The following CASK variants were observed in gnomAD, a reference collection of about 807,000 sequenced individuals.
CASK encodes the protein peripheral plasma membrane protein CASK.
CASK carries 4 observed loss-of-function variants against 82.9 expected under a neutral mutation model. The ratio of observed to expected loss-of-function variants is 0.05; its 90% CI spans 0.02 to 0.11. The LOEUF (loss-of-function observed/expected upper bound fraction) is 0.11, where lower values mean the gene tolerates loss of function less well. CASK is among the 10% of genes least tolerant of loss of function. The pLI is 1.00. For synonymous variants in CASK, 259 were observed against 253.5 expected (o/e 1.02, Z -0.20); for missense variants, 358 against 720.9 (o/e 0.50, Z 5.76).
At chrX:41,839,295 C>A (rs183437569) in intron 2 of CASK, among the ~76,000 whole-genome samples, 120 of 111,300 alleles carry the variant, frequency 1.1e-3, no homozygotes, top group Non-Finnish European at 1.9e-3. Flanking sequence ...TACATCTCTT[C>A]ATTTATTTAG....
At chrX:41,920,860 A>T (rs2148111762) in intron 1 of CASK, among the ~76,000 whole-genome samples, 1 of 112,193 alleles carries the variant, frequency 8.9e-6, no homozygotes, top group South Asian at 3.7e-4. Context: ...TTTTAATCTC[A>T]CATTTTCCAA....
At chrX:41,771,468 T>A (rs2069243123) in intron 3 of CASK, among the ~76,000 whole-genome samples, 1 of 111,622 alleles carries the variant, frequency 9.0e-6, no homozygotes, top group Admixed American at 9.6e-5. Flanking sequence ...AAATAGGAGA[T>A]GATATAAATA....
intron 5 of CASK, among the ~76,000 whole-genome samples, chrX:41,691,956 G>A (rs1057133489): frequency 9.6e-6 from 1 of 104,310 alleles, no homozygotes; most frequent in Non-Finnish European, 1.9e-5. Flanking sequence ...ATGCTATGTT[G>A]CCTTGGCTGG....
chrX:41,593,934 T>C (rs1157366862), intron 12 of CASK, among the ~76,000 whole-genome samples: 1 of 112,257 alleles, frequency 8.9e-6, no homozygotes, highest in Non-Finnish European at 1.9e-5. Context: ...AAATTTCAAA[T>C]CTAGGTAGAG....
At chrX:41,724,176 T>C (rs2068214398) in intron 5 of CASK, 1 of 112,680 alleles carries the variant, frequency 8.9e-6, no homozygotes, top group Admixed American at 9.4e-5. Context: ...TGCAAGAATC[T>C]ATTCACACTG....
At chrX:41,860,589 C>A (rs2071459454) in intron 1 of CASK, among the ~76,000 whole-genome samples, 1 of 111,552 alleles carries the variant, frequency 9.0e-6, no homozygotes. Flanking sequence ...TAAAGGTTTA[C>A]AAAATCAGCT....
At chrX:41,549,438 C>CT (rs2065065862) in intron 21 of CASK, among the ~76,000 whole-genome samples, 1 of 112,241 alleles carries the variant, frequency 8.9e-6, no homozygotes, top group African/African-American at 3.2e-5. Flanking sequence ...TATTTTGCAA[C>CT]TTTAACAGTT....
At chrX:41,790,223 C>T (rs1274177280) in intron 2 of CASK, 3 of 991,840 alleles carry the variant, frequency 3.0e-6, no homozygotes, top group African/African-American at 4.2e-5. Flanking sequence ...TGGTTCATAT[C>T]CATCAGCTCG....
chrX:41,800,940 G>A (rs1370820420), intron 2 of CASK, among the ~76,000 whole-genome samples: 1 of 111,578 alleles, frequency 9.0e-6, no homozygotes, highest in East Asian at 2.8e-4. Flanking sequence ...AGAAATGCAT[G>A]GATAAGGACC....
chrX:41,587,106 A>G, intron 13 of CASK, 119 bp from the exon 14 acceptor site: 2 of 483,689 alleles, frequency 4.1e-6, no homozygotes, highest in Non-Finnish European at 7.0e-6. Flanking sequence ...AATTATTTTG[A>G]AAAACTTTTC....
intron 3 of CASK, among the ~76,000 whole-genome samples, chrX:41,780,886 T>C (rs1426677806): frequency 9.0e-6 from 1 of 111,031 alleles, no homozygotes; most frequent in Non-Finnish European, 1.9e-5. Flanking sequence ...TGACCTCAAG[T>C]GATCCACCTA....
At chrX:41,662,955 A>G (rs2067059539) in intron 7 of CASK, among the ~76,000 whole-genome samples, 1 of 107,166 alleles carries the variant, frequency 9.3e-6, no homozygotes, top group African/African-American at 3.4e-5. Flanking sequence ...CTGCCACCTC[A>G]GCCTTCCAAG....
chrX:41,534,642 T>C, intron 24 of CASK, 64 bp downstream of exon 24: 3 of 893,176 alleles, frequency 3.4e-6, no homozygotes, highest in South Asian at 2.1e-5. Context: ...AAAAAATACA[T>C]AAATTATAGA....
At chrX:41,629,663 G>A (rs944200918) in intron 9 of CASK, among the ~76,000 whole-genome samples, 1 of 111,567 alleles carries the variant, frequency 9.0e-6, no homozygotes, top group Non-Finnish European at 1.9e-5. Context: ...CAACTACTCA[G>A]TTCTACCACT....
intron 1 of CASK, among the ~76,000 whole-genome samples, chrX:41,874,473 C>G (rs190188168): frequency 6.4e-4 from 72 of 111,930 alleles, no homozygotes; most frequent in Non-Finnish European, 1.1e-3. Context: ...TGGCTTCCAC[C>G]CATGACCCTG....
At chrX:41,616,945 G>A (rs995716181) in intron 11 of CASK, among the ~76,000 whole-genome samples, 16 of 112,470 alleles carry the variant, frequency 1.4e-4, no homozygotes, top group Non-Finnish European at 1.3e-4. Flanking sequence ...TTTTTGCTAG[G>A]TACTAGGCAA....
rs139247193 is a variant in CASK, at chrX:41,682,610, A to AT, written c.430-11081dup. Among the ~76,000 whole-genome samples, 213 of 95,990 alleles carry AT rather than the reference A, an allele frequency of 2.2e-3. 1 individual carries two copies. The highest frequency in any genetic ancestry group is 8.6e-3 in the South Asian group (18 of 2,094). 83.4% of individuals were successfully genotyped at this position (95,990 alleles called of 115,157 possible). ...ATGGTGGCAAAAGACAGTTTGATAA[A>AT]TTTTTTTTTTTTTTTTAAGAGACAG... On this transcript the variant is annotated intron_variant, in intron 5 of 26. Coordinates refer to ENST00000378163, the MANE Select transcript of CASK (RefSeq NM_001367721.1).
At chrX:41,551,192 A>G (rs756389345) in intron 21 of CASK, among the ~76,000 whole-genome samples, 61 of 111,937 alleles carry the variant, frequency 5.4e-4, no homozygotes, top group African/African-American at 2.0e-3. Context: ...GAAAGGGGAA[A>G]CTTCAAATCA....
intron 3 of CASK, among the ~76,000 whole-genome samples, chrX:41,759,347 A>G (rs1370471680): frequency 9.0e-6 from 1 of 111,727 alleles, no homozygotes; most frequent in East Asian, 2.8e-4. Flanking sequence ...TACTACTGAA[A>G]GGACTCGTAC....
Sources: allele counts gnomAD v4.1 joint callset (sites outside exome capture counted in the v4.1 genomes callset), GRCh38; gene constraint gnomAD v4.1.1; transcripts MANE v1.5; gene names NCBI Gene and HGNC (gene_info 2026-07-23, HGNC 2026-07-21).